CHRNA6: variants seen among roughly 807,000 people sequenced by gnomAD.
CHRNA6 encodes cholinergic receptor nicotinic alpha 6 subunit, also known as neuronal acetylcholine receptor subunit alpha-6.
A neutral mutation model predicts 40.9 loss-of-function variants in CHRNA6; 31 were observed. The ratio of observed to expected loss-of-function variants is 0.76; its 90% CI spans 0.57 to 1.02. CHRNA6 has a LOEUF of 1.02. Ranked by LOEUF, CHRNA6 falls within the 50% of genes least tolerant of loss-of-function variation. CHRNA6 has a pLI of 0.00. For missense variants in CHRNA6, 546 were observed against 596.6 expected (o/e 0.92, Z 0.88); for synonymous variants, 222 against 221.3 (o/e 1.00, Z -0.03).
At chr8:42,766,748 G>C (rs992049592) in intron 1 of CHRNA6, among the ~76,000 whole-genome samples, 11 of 152,138 alleles carry the variant, frequency 7.2e-5, no homozygotes, top group African/African-American at 2.7e-4. Context: ...AGGGGGTCCA[G>C]GGAAGAAGAG....
chr8:42,756,201 G>A lies in CHRNA6; in HGVS notation c.998C>T (p.Thr333Ile). 1.9e-6 allele frequency: 3 copies of A among 1,614,240 alleles called. No individual in the cohort carries two copies. Among genetic ancestry groups the A allele is most frequent in the South Asian group, 2.2e-5 (2 of 91,088 alleles). Reference protein sequence around the residue: ...FVLNIHYRTPTTHTMPRWVKT... With the variant: ...FVLNIHYRTPITHTMPRWVKT... ...CACCCACCTGGGCATTGTGTGCGTG[G>A]TTGGGGTGCGGTAGTGTATGTTCAA... Residue 333 changes from threonine (T) to isoleucine (I), a missense_variant, in exon 5 of 6, where the codon ACC becomes ATC. Transcript: ENST00000276410.
intron 2 of CHRNA6, among the ~76,000 whole-genome samples, chr8:42,759,886 A>T (rs1288166605): frequency 8.0e-6 from 1 of 125,274 alleles, no homozygotes; most frequent in Non-Finnish European, 1.6e-5. Flanking sequence ...GGCGACAAAG[A>T]CTCCATCTCA....
rs114448417 is a variant in CHRNA6, at chr8:42,763,282, C to T, written c.219+1783G>A. Among the ~76,000 whole-genome samples the T allele has an allele frequency of 5.2e-3, 799 of 152,224 alleles. 4 individuals carry two copies. Among genetic ancestry groups the T allele is most frequent in the African/African-American group, 0.016 (664 of 41,540 alleles). ...TGGAGTGACATCCCCTGGAGTTGTGCGGTGCATAACCTGGGCAACTAAACA... is the reference window on the plus strand; with the variant it reads ...TGGAGTGACATCCCCTGGAGTTGTGTGGTGCATAACCTGGGCAACTAAACA... On this transcript the variant is annotated intron_variant, in intron 2 of 5. Coordinates refer to ENST00000276410, the MANE Select transcript of CHRNA6 (RefSeq NM_004198.3).
At position 42,755,917 on chromosome 8, in the gene CHRNA6, C is replaced by G; in HGVS notation, c.1282G>C (p.Glu428Gln). The change falls in exon 5 of 6, where the codon GAA (glutamate) becomes CAA (glutamine). Residue 428 changes from glutamate to glutamine, a missense_variant. Glu to Gln is a conservative substitution (Grantham distance 29, BLOSUM62 2). This residue lies in a region of CHRNA6 where 65 missense variants were observed against 83.8 expected (regional missense o/e 0.78). Transcript: ENST00000276410. The part of the protein sequence containing the change: ...WVVENSEHSP[E>Q]VEDVINSVQF... Reference sequence around the variant, plus strand: ...ACACTGTTAATCACATCTTCAACTTCAGGCGAGTGCTCCGAATTTTCCACC... The same window carrying G: ...ACACTGTTAATCACATCTTCAACTTGAGGCGAGTGCTCCGAATTTTCCACC... 1 of 1,614,266 alleles carries G rather than the reference C, an allele frequency of 6.2e-7. No individual in the cohort carries two copies. The highest frequency in any genetic ancestry group is 8.5e-7 in the Non-Finnish European group (1 of 1,180,050).
chr8:42,756,511 T>C lies in CHRNA6; in HGVS notation c.688A>G (p.Ile230Val), dbSNP rs776803911. The change falls in exon 5 of 6, where the codon ATA (isoleucine) becomes GTA (valine). Residue 230 changes from isoleucine to valine, a missense_variant. Physicochemically the swap from Ile to Val is conservative, Grantham distance 29. Transcript: ENST00000276410. ...YNCCEEIYTDITYSFYIRRLP... is the reference protein window; with the variant it reads ...YNCCEEIYTDVTYSFYIRRLP... ...CTTCTAATGTAGAAAGAATAGGTTA[T>C]ATCTGTGTATATCTCTTCACAACAG... is the stretch of plus-strand genomic sequence containing the variant. 1 of 1,613,930 alleles carries C rather than the reference T, an allele frequency of 6.2e-7. No individual in the cohort carries two copies. Among genetic ancestry groups the C allele is most frequent in the Non-Finnish European group, 8.5e-7 (1 of 1,179,838 alleles).
chr8:42,758,784 G>C (rs1816850504), intron 3 of CHRNA6, among the ~76,000 whole-genome samples: 1 of 152,174 alleles, frequency 6.6e-6, no homozygotes, highest in Non-Finnish European at 1.5e-5. Context: ...TCAAAGAGCA[G>C]GCAAGCATCA....
intron 5 of CHRNA6, among the ~76,000 whole-genome samples, chr8:42,754,907 C>T (rs531718169): frequency 6.6e-6 from 1 of 152,294 alleles, no homozygotes; most frequent in Non-Finnish European, 1.5e-5. Flanking sequence ...GCTGCCGGAA[C>T]GAATGCACTC....
intron 2 of CHRNA6, among the ~76,000 whole-genome samples, chr8:42,761,922 C>T (rs1816910987): frequency 6.6e-6 from 1 of 152,250 alleles, no homozygotes; most frequent in South Asian, 2.1e-4. Context: ...GGCTGCATTA[C>T]ACCAAGGCTT....
rs1319969406 is a variant in CHRNA6, at chr8:42,759,125, A to G, written c.220-12T>C. 6.2e-7 allele frequency: 1 copy of G among 1,611,180 alleles called. No homozygotes were observed. Among genetic ancestry groups the G allele is most frequent in the Non-Finnish European group, 8.5e-7 (1 of 1,177,304 alleles). ...TGGTTTACTTCATCCTGGGAAGAAGAAATAATACTTTTAGCCTCAAATGTG... is the reference window on the plus strand; with the variant it reads ...TGGTTTACTTCATCCTGGGAAGAAGGAATAATACTTTTAGCCTCAAATGTG... On this transcript the variant is annotated splice_polypyrimidine_tract_variant and intron_variant, in intron 2 of 5. Coordinates refer to ENST00000276410, the MANE Select transcript of CHRNA6 (RefSeq NM_004198.3).
rs534561313 is a variant in CHRNA6, at chr8:42,757,145, C to G, written c.265-108G>C. On this transcript the variant is annotated intron_variant, in intron 3 of 5. Coordinates refer to ENST00000276410, the MANE Select transcript of CHRNA6 (RefSeq NM_004198.3). ...CTTTGGGAGGCCGAGGCAGGCAGGTCACTTGAGGTCAGGAGGTCGAGACCA... is the reference window on the plus strand; with the variant it reads ...CTTTGGGAGGCCGAGGCAGGCAGGTGACTTGAGGTCAGGAGGTCGAGACCA... The G allele has an allele frequency of 6.7e-6, 5 of 748,980 alleles. No individual in the cohort carries two copies. In the African/African-American group the frequency reaches 8.8e-5, roughly 13 times the overall value. 46.4% of individuals were successfully genotyped at this position (748,980 alleles called of 1,614,324 possible). A position where few individuals can be genotyped will look rare whatever the true frequency, so the allele number is the denominator to read the frequency against.
intron 1 of CHRNA6, among the ~76,000 whole-genome samples, chr8:42,765,993 G>A (rs114876039): frequency 0.013 from 2,033 of 152,326 alleles, 38 homozygotes; most frequent in African/African-American, 0.046. Context: ...TTCAACCATT[G>A]TGGGAGATGA....
At chr8:42,762,852 T>C (rs1816923285) in intron 2 of CHRNA6, among the ~76,000 whole-genome samples, 2 of 152,268 alleles carry the variant, frequency 1.3e-5, no homozygotes, top group South Asian at 4.2e-4. Flanking sequence ...AATTTCAGAA[T>C]TGGAGGGCAG....
chr8:42,753,393 C>T, intron 5 of CHRNA6, 83 bp from the exon 6 acceptor site: 3 of 1,285,060 alleles, frequency 2.3e-6, no homozygotes, highest in Non-Finnish European at 3.3e-6. Flanking sequence ...TAAGCTGCTT[C>T]TTTTTTGAAG....
chr8:42,764,963 T>C (rs1816952337), intron 2 of CHRNA6, 102 bp downstream of exon 2: 5 of 1,301,926 alleles, frequency 3.8e-6, no homozygotes, highest in Non-Finnish European at 4.3e-6. Context: ...AAGGGCCAGA[T>C]CTCGTGTAGA....
At chr8:42,766,447 G>A (rs952105385) in intron 1 of CHRNA6, among the ~76,000 whole-genome samples, 3 of 150,622 alleles carry the variant, frequency 2.0e-5, no homozygotes, top group Admixed American at 6.6e-5. Context: ...AGCCAACATC[G>A]TGCCACTGCA....
chr8:42,758,816 GA>G, intron 3 of CHRNA6, among the ~76,000 whole-genome samples: 1 of 152,322 alleles, frequency 6.6e-6, no homozygotes, highest in Admixed American at 6.5e-5. Context: ...TCAAGTTACA[GA>G]AAAGTGGAAG....
Position 42,756,130 on chromosome 8 carries a change from A to G in CHRNA6, c.1069T>C (p.Trp357Arg). 6.2e-7 allele frequency: 1 copy of G among 1,614,252 alleles called. No individual in the cohort carries two copies. The highest frequency in any genetic ancestry group is 8.5e-7 in the Non-Finnish European group (1 of 1,180,036). ...KLLPQVLLMR[W>R]PLDKTRGTGS... The stretch of plus-strand genomic sequence containing the variant: ...GTGCCCCTTGTCTTGTCCAGAGGCC[A>G]CCTCATCAGCAGGACCTGGGGCAGC... Residue 357 changes from tryptophan to arginine, a missense_variant, in exon 5 of 6, where the codon TGG (tryptophan) becomes CGG (arginine). By Grantham distance (101) the Trp-to-Arg change is moderately radical (BLOSUM62 -3). Transcript: ENST00000276410.
At position 42,768,570 on chromosome 8, in the gene CHRNA6, A is replaced by G. The variant is rs1490751890; in HGVS notation, c.-140T>C. 9 of 615,250 alleles carry G rather than the reference A, an allele frequency of 1.5e-5. No homozygotes were observed. The Admixed American group carries it at 2.2e-4, about 15-fold the overall frequency. The allele number at this position is 615,250 out of a possible 1,614,324, so 38.1% of individuals were successfully genotyped here. Reference sequence around the variant, plus strand: ...TGTGTGTCTTCTCAGAAATCAAAACATCCCCGGGACTTCACACGGTTATTA... The same window carrying G: ...TGTGTGTCTTCTCAGAAATCAAAACGTCCCCGGGACTTCACACGGTTATTA... On this transcript the variant is annotated 5_prime_UTR_variant, in exon 1 of 6. The change abolishes an upstream ATG in the 5' untranslated region. Transcript: ENST00000276410.
At chr8:42,765,762 A>G (rs1033190004) in intron 1 of CHRNA6, among the ~76,000 whole-genome samples, 6 of 152,240 alleles carry the variant, frequency 3.9e-5, no homozygotes, top group African/African-American at 9.6e-5. Flanking sequence ...CTTTGAGGAC[A>G]TGAACAGACA....
Sources: allele counts gnomAD v4.1 joint callset (sites outside exome capture counted in the v4.1 genomes callset), GRCh38; gene constraint gnomAD v4.1.1; regional missense constraint gnomAD v4.1.1; transcripts MANE v1.5; gene names NCBI Gene and HGNC (gene_info 2026-07-23, HGNC 2026-07-21).